Variants in LEO1 observed in about 807,000 individuals in gnomAD.
LEO1 encodes LEO1 component of Paf1/RNA polymerase II complex.
A neutral mutation model predicts 80.4 loss-of-function variants in LEO1; 34 were observed. The observed-to-expected ratio is 0.42, with a 90% CI of 0.32 to 0.56. LEO1 has a LOEUF of 0.56. LEO1 is among the 20% of genes least tolerant of loss of function. The pLI, the probability that LEO1 is intolerant of heterozygous loss-of-function variation, is 0.10. For synonymous variants in LEO1, 262 were observed against 274.9 expected (o/e 0.95, Z 0.46); for missense variants, 631 against 814.2 (o/e 0.77, Z 2.74).
In LEO1 at chr15:51,966,398, T is replaced by C; in HGVS notation, c.165A>G (p.Gln55=). 1 of 1,614,186 alleles carries C rather than the reference T, an allele frequency of 6.2e-7. No homozygotes were observed. The highest frequency in any genetic ancestry group is 8.5e-7 in the Non-Finnish European group (1 of 1,179,998). ...SDQDERGDSG[Q]PSNKELFGDD... is the part of the protein sequence containing the mutation. ...CTCCAAACAGTTCCTTATTACTTGG[T>C]TGTCCTGAATCACCTCTTTCATCCT... Residue 55 remains glutamine (Q), a synonymous_variant, in exon 2 of 12, where the codon CAA becomes CAG. Coordinates refer to ENST00000299601, the MANE Select transcript of LEO1 (RefSeq NM_138792.4).
intron 6 of LEO1, among the ~76,000 whole-genome samples, chr15:51,957,206 T>C (rs1256110510): frequency 4.6e-5 from 7 of 152,162 alleles, no homozygotes; most frequent in Non-Finnish European, 4.4e-5. Flanking sequence ...TGTAGCATCA[T>C]GACAGAAAGT....
At chr15:51,951,650 C>T (rs1487474058) in intron 9 of LEO1, among the ~76,000 whole-genome samples, 194 bp downstream of exon 9, 1 of 152,162 alleles carries the variant, frequency 6.6e-6, no homozygotes, top group Admixed American at 6.5e-5. Flanking sequence ...AACCTGAGCC[C>T]TGTTTCTGTT....
chr15:51,954,672 C>T (rs1335772961), intron 6 of LEO1, 97 bp from the exon 7 acceptor site: 4 of 765,162 alleles, frequency 5.2e-6, no homozygotes, highest in East Asian at 2.5e-5. Context: ...AATAAGCATA[C>T]AGAGGTGACA....
At chr15:51,958,467 T>C (rs1042679590) in intron 6 of LEO1, among the ~76,000 whole-genome samples, 1 of 152,104 alleles carries the variant, frequency 6.6e-6, no homozygotes, top group Non-Finnish European at 1.5e-5. Context: ...AATAAAAAGA[T>C]GAAACTTCTG....
At chr15:51,948,550 C>T (rs568707015) in intron 10 of LEO1, among the ~76,000 whole-genome samples, 5 of 152,196 alleles carry the variant, frequency 3.3e-5, no homozygotes, top group Non-Finnish European at 5.9e-5. Flanking sequence ...TTTCATGGGA[C>T]AGTCAGAGAA....
At chr15:51,951,757 A>G (rs1011854722) in intron 9 of LEO1, 87 bp downstream of exon 9, 3 of 1,206,236 alleles carry the variant, frequency 2.5e-6, no homozygotes, top group East Asian at 2.4e-5. Flanking sequence ...AGGTAGGCCA[A>G]TAAGAGATGA....
chr15:51,940,027 G>A lies in LEO1; in HGVS notation c.1897-1767C>T, dbSNP rs189710866. On this transcript the variant is annotated intron_variant, in intron 11 of 11. Coordinates refer to ENST00000299601, the MANE Select transcript of LEO1 (RefSeq NM_138792.4). The stretch of plus-strand genomic sequence containing the variant: ...TCCCAGCACTTTGGGAGGCCAAGGC[G>A]GGCAGATCACGAGGTCAGGAGTTTG... 2.7e-3 allele frequency among the ~76,000 whole-genome samples: 409 copies of A among 152,224 alleles called. 4 individuals are homozygous for A. The highest frequency in any genetic ancestry group is 7.8e-3 in the Admixed American group (119 of 15,284).
chr15:51,942,614 C>G (rs899414780), intron 11 of LEO1, among the ~76,000 whole-genome samples: 14 of 152,124 alleles, frequency 9.2e-5, no homozygotes, highest in African/African-American at 3.4e-4. Context: ...AAAACAAATA[C>G]GTTGCAGAAC....
intron 11 of LEO1, 35 bp downstream of exon 11, chr15:51,947,257 G>A (rs773137531): frequency 2.1e-6 from 3 of 1,430,116 alleles, no homozygotes; most frequent in Admixed American, 1.7e-5. Context: ...CTGAGTACAG[G>A]ATAAACCCCT....
Position 51,952,103 on chromosome 15 carries a change from G to A in LEO1, c.1476-124C>T, listed in dbSNP as rs2056954044. 4.1e-6 allele frequency: 3 copies of A among 728,706 alleles called. No individual in the cohort carries two copies. In the East Asian group the frequency reaches 8.4e-5, roughly 20 times the overall value. The allele number at this position is 728,706 out of a possible 1,614,324, so 45.1% of individuals were successfully genotyped here. On this transcript the variant is annotated intron_variant, in intron 8 of 11. Coordinates refer to ENST00000299601, the MANE Select transcript of LEO1 (RefSeq NM_138792.4). ...CTAGTCACCTGAAAAAATAGGCAGAGACACTCGACTGAATATACCAAGGTG... is the reference window on the plus strand; with the variant it reads ...CTAGTCACCTGAAAAAATAGGCAGAAACACTCGACTGAATATACCAAGGTG...
chr15:51,959,122 C>T (rs938458767), intron 5 of LEO1, among the ~76,000 whole-genome samples: 3 of 151,972 alleles, frequency 2.0e-5, no homozygotes, highest in Non-Finnish European at 4.4e-5. Flanking sequence ...CCTGCCTCAG[C>T]CTCCCGAGTA....
intron 7 of LEO1, 68 bp downstream of exon 7, chr15:51,954,413 T>C (rs1214488065): frequency 1.1e-6 from 1 of 905,484 alleles, no homozygotes; most frequent in Non-Finnish European, 1.8e-6. Context: ...AACTAAAAAG[T>C]ATTTCAAAAC....
In LEO1 at chr15:51,953,215, T is replaced by C. The variant is rs1341237424; in HGVS notation, c.1389A>G (p.Pro463=). 6.2e-7 allele frequency: 1 copy of C among 1,613,958 alleles called. No homozygotes were observed. The highest frequency in any genetic ancestry group is 1.3e-5 in the African/African-American group (1 of 74,938). The change falls in exon 8 of 12, where the codon CCA becomes CCG. Residue 463 remains proline (P), a synonymous_variant. Coordinates refer to ENST00000299601, the MANE Select transcript of LEO1 (RefSeq NM_138792.4). ...AAAGATGATTGTGGTCGCCCTGCAGTGGGGCTTTGTACACATCAAACACTT... is the reference window on the plus strand; with the variant it reads ...AAAGATGATTGTGGTCGCCCTGCAGCGGGGCTTTGTACACATCAAACACTT... ...GNEVFDVYKA[P]LQGDHNHLFI... is the part of the protein sequence containing the mutation.
In LEO1 at chr15:51,966,341, A is replaced by C; in HGVS notation, c.222T>G (p.His74Gln). ...TTTCAGAGTGATTATCACTACCACT[A>C]TGATGTGAAGCTCCCTCGTCCTCAC... ...DDSEDEGASH[H>Q]SGSDNHSERS... is the part of the protein sequence containing the mutation. Residue 74 changes from histidine (H) to glutamine (Q), a missense_variant, in exon 2 of 12, where the codon CAT (histidine) becomes CAG (glutamine). His to Gln is a conservative substitution (Grantham distance 24). Around this residue, in one of 4 missense-constraint regions of LEO1, gnomAD observed 394 missense variants for 395.6 expected, o/e 1.00. Coordinates refer to ENST00000299601, the MANE Select transcript of LEO1 (RefSeq NM_138792.4). 1 of 1,614,090 alleles carries C rather than the reference A, an allele frequency of 6.2e-7. No homozygotes were observed. The highest frequency in any genetic ancestry group is 8.5e-7 in the Non-Finnish European group (1 of 1,179,978).
chr15:51,969,352 C>T (rs1410234615), intron 1 of LEO1, among the ~76,000 whole-genome samples: 1 of 151,096 alleles, frequency 6.6e-6, no homozygotes, highest in Non-Finnish European at 1.5e-5. Flanking sequence ...AGATGTTCAA[C>T]GGCTGGGCGC....
In LEO1 at chr15:51,951,839, C is replaced by T. The variant is rs1464055667; in HGVS notation, c.1611+5G>A. The stretch of plus-strand genomic sequence containing the variant: ...CAGGATAACGCTTAGGCTTAGCAAA[C>T]ATACCTTAATCATTTCTGTGCGTTG... On this transcript the variant is annotated splice_donor_5th_base_variant and intron_variant, in intron 9 of 11. Coordinates refer to ENST00000299601, the MANE Select transcript of LEO1 (RefSeq NM_138792.4). The T allele has an allele frequency of 6.2e-7, 1 of 1,613,540 alleles. No homozygotes were observed. Among genetic ancestry groups the T allele is most frequent in the Admixed American group, 1.7e-5 (1 of 59,970 alleles).
chr15:51,955,696 C>G (rs879758259), intron 6 of LEO1, among the ~76,000 whole-genome samples: 1 of 152,182 alleles, frequency 6.6e-6, no homozygotes, highest in African/African-American at 2.4e-5. Context: ...GCCTGTTCCC[C>G]CAGTGTCAAT....
At chr15:51,954,610 GT>G (rs1048843564) in intron 6 of LEO1, 35 bp from the exon 7 acceptor site, 1 of 1,381,418 alleles carries the variant, frequency 7.2e-7, no homozygotes, top group African/African-American at 1.4e-5. Context: ...GAAAATTATA[GT>G]TTAAATGACT....
At chr15:51,960,257 T>A (rs1292526187) in intron 4 of LEO1, among the ~76,000 whole-genome samples, 1 of 152,212 alleles carries the variant, frequency 6.6e-6, no homozygotes, top group Admixed American at 6.5e-5. Flanking sequence ...TCCTTTATGA[T>A]AAATCTGTCT....
Sources: gnomAD v4.1 joint callset for allele counts (sites outside exome capture counted in the v4.1 genomes callset) on GRCh38, gnomAD v4.1.1 for gene constraint, gnomAD v4.1.1 regional missense constraint, MANE v1.5 for transcripts, NCBI Gene and HGNC (gene_info 2026-07-23, HGNC 2026-07-21) for gene names.